LPP: variants seen among roughly 807,000 people sequenced by gnomAD.
LPP encodes the protein lipoma-preferred partner.
A neutral mutation model predicts 60.4 loss-of-function variants in LPP; 38 were observed. The ratio of observed to expected loss-of-function variants is 0.63; its 90% CI spans 0.49 to 0.83. The LOEUF (loss-of-function observed/expected upper bound fraction) is 0.83. LPP is among the 40% of genes least tolerant of loss of function. The pLI is 0.00. For missense variants in LPP, 902 were observed against 783.6 expected (o/e 1.15, Z -1.80); for synonymous variants, 328 against 290.8 (o/e 1.13, Z -1.30).
At chr3:188,204,672 CAG>C (rs1732659096) in intron 1 of LPP, among the ~76,000 whole-genome samples, 1 of 152,118 alleles carries the variant, frequency 6.6e-6, no homozygotes, top group Non-Finnish European at 1.5e-5. Flanking sequence ...AATTGAGGCT[CAG>C]AGAGCAGATG....
At chr3:188,186,602 T>C (rs1015816419) in intron 1 of LPP, among the ~76,000 whole-genome samples, 1 of 147,516 alleles carries the variant, frequency 6.8e-6, no homozygotes, top group East Asian at 2.0e-4. Context: ...TTTTTTTTTT[T>C]AATTTAAAAG....
chr3:188,662,123 G>A (rs1161960237), intron 7 of LPP, among the ~76,000 whole-genome samples: 1 of 152,240 alleles, frequency 6.6e-6, no homozygotes, highest in Non-Finnish European at 1.5e-5. Context: ...CTTTCTCTCA[G>A]TTATGCGACA....
chr3:188,221,780 T>C (rs897866370), intron 1 of LPP, among the ~76,000 whole-genome samples: 3 of 152,198 alleles, frequency 2.0e-5, no homozygotes, highest in African/African-American at 7.2e-5. Flanking sequence ...AATGTGAACT[T>C]TTAAAAAAAT....
At chr3:188,324,928 T>A (rs970584648) in intron 2 of LPP, among the ~76,000 whole-genome samples, 2 of 152,162 alleles carry the variant, frequency 1.3e-5, no homozygotes, top group South Asian at 2.1e-4. Flanking sequence ...GAAAGGCCCT[T>A]TCATGGCCTG....
In LPP at chr3:188,385,554, T is replaced by G. The variant is rs571970383; in HGVS notation, c.-9-20558T>G. On this transcript the variant is annotated intron_variant, in intron 3 of 11. Coordinates refer to ENST00000617246, the MANE Select transcript of LPP (RefSeq NM_001375462.1). ...CAAATAAGAGAATGAGGACTGTACT[T>G]AGGTTCCATACTTGTGGTATGGAAA... Among the ~76,000 whole-genome samples, 150 of 152,150 alleles carry G rather than the reference T, an allele frequency of 9.9e-4. 1 individual carries two copies. The highest frequency in any genetic ancestry group is 3.5e-3 in the African/African-American group (146 of 41,418).
intron 6 of LPP, among the ~76,000 whole-genome samples, chr3:188,592,178 T>C (rs1057440726): frequency 2.0e-5 from 3 of 152,200 alleles, no homozygotes; most frequent in Non-Finnish European, 2.9e-5. Flanking sequence ...TTGGAGCATA[T>C]GCATCTGTTA....
chr3:188,797,356 G>GT, intron 9 of LPP, among the ~76,000 whole-genome samples: 1 of 152,204 alleles, frequency 6.6e-6, no homozygotes, highest in Admixed American at 6.5e-5. Context: ...AAGAGGACTG[G>GT]GATATGTTTA....
intron 3 of LPP, among the ~76,000 whole-genome samples, chr3:188,394,134 G>C (rs894818098): frequency 1.1e-4 from 16 of 152,250 alleles, no homozygotes; most frequent in African/African-American, 3.9e-4. Context: ...AAGTCGTAAG[G>C]CTACTTTTTA....
intron 2 of LPP, among the ~76,000 whole-genome samples, chr3:188,310,118 C>T (rs1752914994): frequency 6.6e-6 from 1 of 152,084 alleles, no homozygotes; most frequent in Non-Finnish European, 1.5e-5. Flanking sequence ...TGTGAGGATG[C>T]ATCAGCTTTA....
intron 2 of LPP, among the ~76,000 whole-genome samples, chr3:188,227,616 T>C (rs719872): frequency 0.15 from 22,112 of 152,026 alleles, 1,744 homozygotes; most frequent in African/African-American, 0.19. Flanking sequence ...GCAGAGGTCA[T>C]GTGAGCCTCA....
At chr3:188,461,991 A>C (rs1799061762) in intron 4 of LPP, among the ~76,000 whole-genome samples, 1 of 152,188 alleles carries the variant, frequency 6.6e-6, no homozygotes, top group African/African-American at 2.4e-5. Flanking sequence ...GATATTTACC[A>C]AATTTTAATC....
At position 188,833,849 on chromosome 3, in the gene LPP, A is replaced by G. The variant is rs191243989; in HGVS notation, c.1411-32351A>G. ...TTCATTCTTTTAACGTAAACTATTT[A>G]TATGTTTTGATTCTCCTCATTTGGA... On this transcript the variant is annotated intron_variant, in intron 9 of 11. Coordinates refer to ENST00000617246, the MANE Select transcript of LPP (RefSeq NM_001375462.1). 2.9e-4 allele frequency among the ~76,000 whole-genome samples: 44 copies of G among 152,244 alleles called. No individual in the cohort carries two copies. In the East Asian group the frequency reaches 6.2e-3, roughly 21 times the overall value.
At chr3:188,267,508 G>A (rs1202774203) in intron 2 of LPP, among the ~76,000 whole-genome samples, 1 of 152,214 alleles carries the variant, frequency 6.6e-6, no homozygotes, top group Non-Finnish European at 1.5e-5. Context: ...TGGTGGTGCT[G>A]TTGTTAAAAG....
intron 7 of LPP, among the ~76,000 whole-genome samples, chr3:188,632,776 A>G (rs1168947103): frequency 6.6e-6 from 1 of 152,150 alleles, no homozygotes; most frequent in Admixed American, 6.6e-5. Context: ...CTTCAGTTGT[A>G]TTTGGTAGTT....
chr3:188,872,838 G>A (rs1768490117), intron 11 of LPP, 75 bp downstream of exon 11: 1 of 1,585,700 alleles, frequency 6.3e-7, no homozygotes, highest in Non-Finnish European at 8.6e-7. Context: ...TTACATAGAT[G>A]TAGCAATTAC....
intron 1 of LPP, among the ~76,000 whole-genome samples, chr3:188,164,955 C>A (rs16863056): frequency 0.022 from 3,383 of 152,032 alleles, 68 homozygotes; most frequent in East Asian, 0.097. Context: ...ATCATCAAGA[C>A]AGTATGTAGA....
chr3:188,420,607 G>A (rs970534884), intron 4 of LPP, among the ~76,000 whole-genome samples: 3 of 152,068 alleles, frequency 2.0e-5, no homozygotes, highest in African/African-American at 7.2e-5. Flanking sequence ...CTTAGTCTGC[G>A]TGTATGTCTT....
chr3:188,378,841 G>A (rs143974145), intron 3 of LPP, among the ~76,000 whole-genome samples: 1,705 of 152,224 alleles, frequency 0.011, 29 homozygotes, highest in African/African-American at 0.037. Context: ...GTTCCTATTC[G>A]GCCATCTTGG....
Position 188,407,784 on chromosome 3 carries a change from G to GTTTTT in LPP, c.193+1474_193+1475insTTTTT, listed in dbSNP as rs1397646143. Among the ~76,000 whole-genome samples the GTTTTT allele has an allele frequency of 2.4e-3, 281 of 114,748 alleles. 1 individual carries two copies. The highest frequency in any genetic ancestry group is 5.0e-3 in the Middle Eastern group (1 of 200). The allele number at this position is 114,748 out of a possible 152,430, so 75.3% of individuals were successfully genotyped here. ...TCATTTATGGTTTTTTTTTTTGTTT[G>GTTTTT]TTTGTTTTTTTTTTTTTTTTTTTGA... On this transcript the variant is annotated intron_variant, in intron 4 of 11. Transcript: ENST00000617246.
Sources: gnomAD v4.1 joint callset for allele counts (sites outside exome capture counted in the v4.1 genomes callset) on GRCh38, gnomAD v4.1.1 for gene constraint, MANE v1.5 for transcripts, NCBI Gene and HGNC (gene_info 2026-07-23, HGNC 2026-07-21) for gene names.